Variants in STK32B observed in about 807,000 individuals in gnomAD.
The protein encoded by STK32B is serine/threonine kinase 32B, also known as serine/threonine-protein kinase 32B.
In STK32B, 43 loss-of-function variants were observed where a neutral mutation model predicts 52.6. The observed-to-expected ratio is 0.82, with a 90% CI of 0.64 to 1.05. The LOEUF (loss-of-function observed/expected upper bound fraction) is 1.05, where lower values mean the gene tolerates loss of function less well. Ranked by LOEUF, STK32B falls within the 50% of genes least tolerant of loss-of-function variation. The pLI is 0.00. For missense variants in STK32B, 621 were observed against 534.6 expected (o/e 1.16, Z -1.59); for synonymous variants, 238 against 204.3 (o/e 1.17, Z -1.41).
intron 3 of STK32B, among the ~76,000 whole-genome samples, chr4:5,290,104 C>G (rs1162237277): frequency 6.6e-6 from 1 of 152,106 alleles, no homozygotes; most frequent in Admixed American, 6.6e-5. Flanking sequence ...CAAGTGAGAA[C>G]ATGCAGTATA....
chr4:5,490,286 T>C (rs898118812), intron 11 of STK32B, among the ~76,000 whole-genome samples: 3 of 152,014 alleles, frequency 2.0e-5, no homozygotes, highest in Non-Finnish European at 2.9e-5. Context: ...TTTGTATTTT[T>C]AGTAGAGATG....
At chr4:5,484,254 C>T (rs993565278) in intron 11 of STK32B, among the ~76,000 whole-genome samples, 1 of 152,072 alleles carries the variant, frequency 6.6e-6, no homozygotes, top group African/African-American at 2.4e-5. Context: ...AGGACTTGCT[C>T]TATGAATCTG....
At chr4:5,139,286 G>A (rs1028698838) in intron 1 of STK32B, among the ~76,000 whole-genome samples, 2 of 152,188 alleles carry the variant, frequency 1.3e-5, no homozygotes, top group East Asian at 1.9e-4. Context: ...CTTTGGATCT[G>A]TTGAGTTCAT....
At chr4:5,021,180 G>A in the STK32B span, among the ~76,000 whole-genome samples, 6 of 152,178 alleles carry the variant, frequency 3.9e-5, no homozygotes, top group African/African-American at 1.4e-4. Context: ...TTCCCTGTCT[G>A]TAAACAGGAT....
intron 3 of STK32B, among the ~76,000 whole-genome samples, chr4:5,195,373 C>G (rs906815742): frequency 3.3e-5 from 5 of 152,128 alleles, no homozygotes; most frequent in Non-Finnish European, 7.3e-5. Context: ...ACCTGCTGCT[C>G]CTGGGCACTT....
chr4:5,152,532 G>C (rs770842234), intron 2 of STK32B, among the ~76,000 whole-genome samples: 1 of 152,230 alleles, frequency 6.6e-6, no homozygotes, highest in Non-Finnish European at 1.5e-5. Context: ...GCCAATAAAG[G>C]GTTTCTGATC....
chr4:5,137,440 G>A (rs1716142936), intron 1 of STK32B, among the ~76,000 whole-genome samples: 1 of 152,176 alleles, frequency 6.6e-6, no homozygotes, highest in Non-Finnish European at 1.5e-5. Context: ...CACCTTGGAT[G>A]GGGCAAGAGG....
chr4:5,346,997 G>A (rs961289321), intron 4 of STK32B, among the ~76,000 whole-genome samples: 7 of 152,140 alleles, frequency 4.6e-5, no homozygotes, highest in East Asian at 1.9e-4. Context: ...GAGAACCCAC[G>A]TACTATCATG....
In STK32B at chr4:5,332,298, G is replaced by C. The variant is rs745465593; in HGVS notation, c.434+905G>C. ...GGGGGAAGCTGGGAAGAAAGATGTA[G>C]AGTGATCGATGACTTAGGAAACGGG... On this transcript the variant is annotated intron_variant, in intron 4 of 11. Coordinates refer to ENST00000282908, the MANE Select transcript of STK32B (RefSeq NM_018401.3). 5.9e-5 allele frequency among the ~76,000 whole-genome samples: 9 copies of C among 152,264 alleles called. No homozygotes were observed. In the East Asian group the frequency reaches 1.7e-3, roughly 29 times the overall value.
intron 4 of STK32B, among the ~76,000 whole-genome samples, chr4:5,354,234 G>T (rs1217836334): frequency 1.3e-5 from 2 of 152,128 alleles, no homozygotes; most frequent in Non-Finnish European, 2.9e-5. Context: ...GGCTGGAGAG[G>T]GTATGTAGAT....
intron 6 of STK32B, among the ~76,000 whole-genome samples, chr4:5,427,884 ATTTT>A (rs1205733766): frequency 6.7e-6 from 1 of 150,060 alleles, no homozygotes; most frequent in East Asian, 2.0e-4. Context: ...TTATTTTTCT[ATTTT>A]TTATTTTAAT....
At chr4:5,497,792 C>T (rs1242864894) in intron 11 of STK32B, among the ~76,000 whole-genome samples, 1 of 152,118 alleles carries the variant, frequency 6.6e-6, no homozygotes, top group Non-Finnish European at 1.5e-5. Context: ...ACCCTCAGGA[C>T]CCTGCATATA....
At chr4:5,277,799 A>T (rs58002811) in intron 3 of STK32B, among the ~76,000 whole-genome samples, 20,399 of 152,052 alleles carry the variant, frequency 0.13, 3,093 homozygotes, top group African/African-American at 0.37. Context: ...CAGATTTTTT[A>T]AAAAATGATA....
At chr4:5,129,459 CA>C (rs2108819441) in intron 1 of STK32B, among the ~76,000 whole-genome samples, 1 of 152,336 alleles carries the variant, frequency 6.6e-6, no homozygotes, top group African/African-American at 2.4e-5. Flanking sequence ...TTATCCTGTG[CA>C]ATGACTATTT....
chr4:5,073,528 G>C (rs928585721), intron 1 of STK32B, among the ~76,000 whole-genome samples: 1 of 151,818 alleles, frequency 6.6e-6, no homozygotes, highest in Non-Finnish European at 1.5e-5. Context: ...TTTAAGAAAA[G>C]AAAAATGTTT....
At chr4:5,227,263 T>A (rs961750088) in intron 3 of STK32B, among the ~76,000 whole-genome samples, 2 of 152,222 alleles carry the variant, frequency 1.3e-5, no homozygotes, top group Non-Finnish European at 2.9e-5. Context: ...CAATGAGATT[T>A]CATTCTCTCT....
At chr4:5,458,410 A>G (rs907454671) in intron 8 of STK32B, among the ~76,000 whole-genome samples, 8 of 152,256 alleles carry the variant, frequency 5.3e-5, no homozygotes, top group Non-Finnish European at 7.4e-5. Context: ...TACTCCTCCC[A>G]AGCCCTGTGA....
chr4:5,079,278 G>A (rs1208737575), intron 1 of STK32B, among the ~76,000 whole-genome samples: 1 of 34,842 alleles, frequency 2.9e-5, no homozygotes, highest in Non-Finnish European at 1.3e-4. Context: ...TGTATAAATT[G>A]TATACATAAA....
intron 3 of STK32B, among the ~76,000 whole-genome samples, chr4:5,242,544 G>C (rs1048450903): frequency 2.6e-5 from 4 of 152,102 alleles, no homozygotes; most frequent in African/African-American, 9.7e-5. Flanking sequence ...TCACTCTGAT[G>C]GTGGTTTCTT....
Sources: gnomAD v4.1 joint callset for allele counts (sites outside exome capture counted in the v4.1 genomes callset) on GRCh38, gnomAD v4.1.1 for gene constraint, MANE v1.5 for transcripts, NCBI Gene and HGNC (gene_info 2026-07-23, HGNC 2026-07-21) for gene names.